Variants in SANBR observed in about 807,000 individuals in gnomAD.
SANBR encodes the protein SANT and BTB domain regulator of class switch recombination.
In SANBR, 77 loss-of-function variants were observed where a neutral mutation model predicts 101.8. That is an observed-to-expected ratio of 0.76 (90% confidence interval 0.63 to 0.91). SANBR has a LOEUF of 0.91. Ranked by LOEUF, SANBR falls within the 40% of genes least tolerant of loss-of-function variation. The pLI, the probability that SANBR is intolerant of heterozygous loss-of-function variation, is 0.00. For synonymous variants in SANBR, 279 were observed against 274.7 expected, an observed-to-expected ratio of 1.02 and a Z score of -0.15; for missense variants, 875 against 853.0, an observed-to-expected ratio of 1.03 and a Z score of -0.32.
chr2:61,086,612 C>T (rs1384489244), intron 8 of SANBR, among the ~76,000 whole-genome samples: 1 of 152,072 alleles, frequency 6.6e-6, no homozygotes, highest in Non-Finnish European at 1.5e-5. Context: ...ATGCTGCCAT[C>T]ACATAGAGTA....
chr2:61,097,701 C>G lies in SANBR; in HGVS notation c.1214C>G (p.Ala405Gly), dbSNP rs747190734. Residue 405 changes from alanine (A) to glycine (G), a missense_variant and splice_region_variant, in exon 12 of 22, where the codon GCC (alanine) becomes GGC (glycine). By Grantham distance (60) the Ala-to-Gly change is moderately conservative. Coordinates refer to ENST00000402291, the MANE Select transcript of SANBR (RefSeq NM_001129993.3). ...NWLTCSRCYQ[A>G]FLCIEFSHCQ... ...TGATTTTATCTATGTCTTTATCAGGCCTTTCTCTGTATTGAATTTTCACAT... is the reference window on the plus strand; with the variant it reads ...TGATTTTATCTATGTCTTTATCAGGGCTTTCTCTGTATTGAATTTTCACAT... 1.3e-6 allele frequency: 2 copies of G among 1,592,830 alleles called. No homozygotes were observed. Among genetic ancestry groups the G allele is most frequent in the Non-Finnish European group, 1.7e-6 (2 of 1,165,800 alleles).
chr2:61,103,850 C>A lies in SANBR; in HGVS notation c.1366-3C>A. On this transcript the variant is annotated splice_polypyrimidine_tract_variant and splice_region_variant and intron_variant, in intron 12 of 21. Coordinates refer to ENST00000402291, the MANE Select transcript of SANBR (RefSeq NM_001129993.3). ...CTCTAATTTATTGTCTCTTATGTGA[C>A]AGGGCTGTAAAGTGAGGGACCACAT... The A allele has an allele frequency of 1.2e-6, 2 of 1,613,522 alleles. No homozygotes were observed.
chr2:61,094,185 G>C, intron 11 of SANBR: 1 of 421,736 alleles, frequency 2.4e-6, no homozygotes, highest in Middle Eastern at 1.2e-3. Context: ...TGTGAGTTTC[G>C]ACAGTGCTTA....
downstream of SANBR, among the ~76,000 whole-genome samples, chr2:61,128,177 C>T (rs1003875029): frequency 4.6e-5 from 7 of 151,192 alleles, no homozygotes; most frequent in Admixed American, 1.3e-4. Flanking sequence ...GAGGTTGAGG[C>T]AGGAGAATCG....
chr2:61,130,344 G>A (rs1684648777), intron 20 of SANBR, among the ~76,000 whole-genome samples: 1 of 152,102 alleles, frequency 6.6e-6, no homozygotes, highest in South Asian at 2.1e-4. Flanking sequence ...ACAAACTACT[G>A]AAACTGACTC....
chr2:61,133,854 A>G (rs1187212057), intron 20 of SANBR, among the ~76,000 whole-genome samples: 1 of 152,204 alleles, frequency 6.6e-6, no homozygotes, highest in Non-Finnish European at 1.5e-5. Flanking sequence ...AAAATGTTCA[A>G]AACTGATTGT....
At chr2:61,136,754 G>A (rs554054489) in intron 21 of SANBR, among the ~76,000 whole-genome samples, 1 of 151,644 alleles carries the variant, frequency 6.6e-6, no homozygotes, top group Admixed American at 6.6e-5. Flanking sequence ...GGTGGATCAC[G>A]AGGTCAGGAG....
intron 20 of SANBR, among the ~76,000 whole-genome samples, chr2:61,130,639 A>G (rs1479676801): frequency 2.0e-5 from 3 of 152,054 alleles, no homozygotes; most frequent in Non-Finnish European, 4.4e-5. Context: ...CTGTATCAAT[A>G]TAGTTTTTTT....
chr2:61,092,722 T>G (rs1682829937), intron 11 of SANBR, 135 bp downstream of exon 11: 1 of 676,340 alleles, frequency 1.5e-6, no homozygotes. Flanking sequence ...TAGTGGCAGC[T>G]GGGCATGGTG....
intron 4 of SANBR, 66 bp downstream of exon 4, chr2:61,071,858 A>G (rs747381726): frequency 4.3e-5 from 42 of 974,328 alleles, no homozygotes; most frequent in Non-Finnish European, 5.7e-5. Context: ...TATATATTCC[A>G]ATCAACTTTT....
intron 20 of SANBR, among the ~76,000 whole-genome samples, chr2:61,118,696 G>C (rs1684199082): frequency 6.6e-6 from 1 of 150,598 alleles, no homozygotes. Context: ...CAAGTAGCTG[G>C]GACTACAGGC....
rs555920006 is a variant in SANBR at position 61,085,671 on chromosome 2, C to T, written c.890+2357C>T. Among the ~76,000 whole-genome samples the T allele has an allele frequency of 2.6e-5, 4 of 152,064 alleles. 1 individual carries two copies. In the East Asian group the frequency reaches 7.7e-4, roughly 29 times the overall value. On this transcript the variant is annotated intron_variant, in intron 8 of 21. Transcript: ENST00000402291. ...GATTATAGGCACCCACCACCACACC[C>T]AGCCAATTTTTATATTTTTAGTAGA...
chr2:61,120,116 A>G (rs1684261331), intron 20 of SANBR, among the ~76,000 whole-genome samples: 1 of 152,216 alleles, frequency 6.6e-6, no homozygotes, highest in South Asian at 2.1e-4. Context: ...CAATTCACAC[A>G]TTTTTATAAT....
intron 11 of SANBR, among the ~76,000 whole-genome samples, chr2:61,093,110 G>A (rs1682855946): frequency 6.6e-6 from 1 of 152,042 alleles, no homozygotes; most frequent in African/African-American, 2.4e-5. Context: ...TCCAGCCTGG[G>A]TGACAGAGCA....
chr2:61,075,399 G>A (rs1029715173), intron 5 of SANBR, among the ~76,000 whole-genome samples: 5 of 152,020 alleles, frequency 3.3e-5, no homozygotes, highest in East Asian at 3.9e-4. Context: ...CTGGGACCAC[G>A]GGCATGCACC....
intron 21 of SANBR, 150 bp downstream of exon 21, chr2:61,121,426 C>T (rs955133773): frequency 9.0e-5 from 44 of 489,680 alleles, no homozygotes; most frequent in Non-Finnish European, 1.5e-4. Flanking sequence ...TAATTAGAAA[C>T]AGATTTTAAC....
chr2:61,120,424 C>T (rs1355142471), intron 20 of SANBR, among the ~76,000 whole-genome samples: 2 of 152,094 alleles, frequency 1.3e-5, no homozygotes, highest in East Asian at 1.9e-4. Flanking sequence ...CACTTGAACC[C>T]GGAAGGTTGA....
chr2:61,092,545 G>T lies in SANBR; in HGVS notation c.1170G>T (p.Leu390Phe), dbSNP rs1042528147. Reference protein sequence around the residue: ...LKSWRDVYWRLWGTINWLTCS... With the variant: ...LKSWRDVYWRFWGTINWLTCS... ...CTTGGAGAGATGTATACTGGCGATTGTGGGGAACAATCAATTGGCTGACTT... is the reference window on the plus strand; with the variant it reads ...CTTGGAGAGATGTATACTGGCGATTTTGGGGAACAATCAATTGGCTGACTT... Residue 390 changes from leucine (L) to phenylalanine (F), a missense_variant, in exon 11 of 22, where the codon TTG becomes TTT. Physicochemically the swap from Leu to Phe is conservative, Grantham distance 22. Coordinates refer to ENST00000402291, the MANE Select transcript of SANBR (RefSeq NM_001129993.3). 1.1e-5 allele frequency: 18 copies of T among 1,605,360 alleles called. No homozygotes were observed. The highest frequency in any genetic ancestry group is 1.4e-5 in the Non-Finnish European group (17 of 1,176,594).
chr2:61,120,469 T>C (rs1232133721), intron 20 of SANBR, among the ~76,000 whole-genome samples: 3 of 152,084 alleles, frequency 2.0e-5, no homozygotes, highest in East Asian at 1.9e-4. Context: ...CACTGCACTC[T>C]AGCCTGGGCA....
Sources: allele counts gnomAD v4.1 joint callset (sites outside exome capture counted in the v4.1 genomes callset), GRCh38; gene constraint gnomAD v4.1.1; transcripts MANE v1.5; gene names NCBI Gene and HGNC (gene_info 2026-07-23, HGNC 2026-07-21).